The following ZNF287 variants were observed in gnomAD, a reference collection of about 807,000 sequenced individuals.
ZNF287 encodes zinc finger protein with KRAB and SCAN domains 13.
ZNF287 carries 31 observed loss-of-function variants against 73.7 expected under a neutral mutation model. That is an observed-to-expected ratio of 0.42 (90% CI 0.32 to 0.57). ZNF287 has a LOEUF of 0.57. ZNF287 is among the 20% of genes least tolerant of loss of function. The probability of loss-of-function intolerance (pLI) is 0.13; values close to 1 mark genes in which losing one functional copy is unlikely to be tolerated. For synonymous variants in ZNF287, 301 were observed against 307.2 expected (o/e 0.98, Z 0.21); for missense variants, 641 against 909.3 (o/e 0.70, Z 3.79).
rs759376029 is a variant in ZNF287 at position 16,567,722 on chromosome 17, A to G, written c.10T>C (p.Ser4Pro). 6.2e-7 allele frequency: 1 copy of G among 1,609,084 alleles called. No homozygotes were observed. Among genetic ancestry groups the G allele is most frequent in the East Asian group, 2.2e-5 (1 of 44,804 alleles). MLA[S>P]SKRMNSSSRS... ...GAAGAACTGTTCATCCTCTTGCTTG[A>G]GGCTAACATTGCTACAGACAGGAGA... The change falls in exon 2 of 6, where the codon TCA becomes CCA. Residue 4 changes from serine to proline, a missense_variant. This residue lies in a region of ZNF287 where 357 missense variants were observed against 442.4 expected (regional missense o/e 0.81). Coordinates refer to ENST00000395825, the MANE Select transcript of ZNF287 (RefSeq NM_020653.4).
chr17:16,555,028 T>C (rs574416606), intron 5 of ZNF287, among the ~76,000 whole-genome samples: 1 of 152,282 alleles, frequency 6.6e-6, no homozygotes, highest in South Asian at 2.1e-4. Context: ...CAACCCAATA[T>C]AGTATTGGGC....
At chr17:16,554,970 CT>C (rs145107161) in intron 5 of ZNF287, among the ~76,000 whole-genome samples, 11,965 of 151,894 alleles carry the variant, frequency 0.079, 1,605 homozygotes, top group African/African-American at 0.27. Flanking sequence ...AGGAAATTGC[CT>C]TTTTTTATAG....
rs139605983 is a variant in ZNF287, at chr17:16,551,386, A to ATT, written c.*468_*469dup. The stretch of plus-strand genomic sequence containing the variant: ...ACTGTACAGATCCATTTATACTGGA[A>ATT]TTTTTTTTTTCAACTGAACAGAGTT... On this transcript the variant is annotated 3_prime_UTR_variant, in exon 6 of 6. Transcript: ENST00000395825. 4 of 158,936 alleles carry ATT rather than the reference A, an allele frequency of 2.5e-5. No homozygotes were observed. Among genetic ancestry groups the ATT allele is most frequent in the African/African-American group, 4.9e-5 (2 of 41,118 alleles). The allele number at this position is 158,936 out of a possible 1,614,324, so 9.8% of individuals were successfully genotyped here. A position where few individuals can be genotyped will look rare whatever the true frequency, so the allele number is the denominator to read the frequency against.
intron 2 of ZNF287, 82 bp from the exon 3 acceptor site, chr17:16,566,704 C>T: frequency 3.3e-6 from 3 of 920,006 alleles, no homozygotes; most frequent in East Asian, 2.7e-5. Flanking sequence ...GATGCCTACA[C>T]TTTCTTAAAT....
rs73282638 is a variant in ZNF287 at position 16,560,339 on chromosome 17, G to C, written c.715+2807C>G. ...ATATATATATATATATATATGGGGT[G>C]GGGGAGGGAGAGCTCTTCTTTTTTT... On this transcript the variant is annotated intron_variant, in intron 5 of 5. Transcript: ENST00000395825. Among the ~76,000 whole-genome samples, 641 of 146,360 alleles carry C rather than the reference G, an allele frequency of 4.4e-3. 3 individuals are homozygous for C. Among genetic ancestry groups the C allele is most frequent in the African/African-American group, 0.013 (525 of 39,650 alleles).
intron 5 of ZNF287, among the ~76,000 whole-genome samples, chr17:16,556,695 A>T (rs970778518): frequency 3.3e-5 from 5 of 152,166 alleles, no homozygotes; most frequent in Non-Finnish European, 5.9e-5. Flanking sequence ...CAAAAAAGAG[A>T]TGAGATGATA....
intron 3 of ZNF287, among the ~76,000 whole-genome samples, chr17:16,564,804 G>A (rs954722697): frequency 6.6e-6 from 1 of 151,938 alleles, no homozygotes; most frequent in Non-Finnish European, 1.5e-5. Context: ...TTGAGAAAGA[G>A]TCTTGCTCTG....
Position 16,563,837 on chromosome 17 carries a change from A to G in ZNF287, c.502-12T>C. The G allele has an allele frequency of 6.2e-7, 1 of 1,611,788 alleles. No homozygotes were observed. Among genetic ancestry groups the G allele is most frequent in the Admixed American group, 1.7e-5 (1 of 59,936 alleles). On this transcript the variant is annotated splice_polypyrimidine_tract_variant and intron_variant, in intron 3 of 5. Coordinates refer to ENST00000395825, the MANE Select transcript of ZNF287 (RefSeq NM_020653.4). ...AATGTCATCGATTCCTAAAATATCA[A>G]ATGTAACTTAACTCAGTTCAAGAAC...
At chr17:16,560,933 G>A (rs1396524846) in intron 5 of ZNF287, among the ~76,000 whole-genome samples, 1 of 151,702 alleles carries the variant, frequency 6.6e-6, no homozygotes, top group African/African-American at 2.4e-5. Flanking sequence ...AACGTGGAAG[G>A]TGGAGCTTGT....
At position 16,548,832 on chromosome 17, in the gene ZNF287, C is replaced by T. The variant is rs541980899; in HGVS notation, c.*3024G>A. The stretch of plus-strand genomic sequence containing the variant: ...AGGAAAAACCAAAGTGGGGACTGTT[C>T]TAGATAGATGAAACAGATAATCAAA... On this transcript the variant is annotated 3_prime_UTR_variant, in exon 6 of 6. Transcript: ENST00000395825. Among the ~76,000 whole-genome samples the T allele has an allele frequency of 2.0e-4, 30 of 152,072 alleles. No homozygotes were observed. The East Asian group carries it at 5.8e-3, about 29-fold the overall frequency.
rs1213985583 is a variant in ZNF287 at position 16,549,318 on chromosome 17, G to C, written c.*2538C>G. Among the ~76,000 whole-genome samples the C allele has an allele frequency of 6.6e-6, 1 of 152,084 alleles. No homozygotes were observed. Among genetic ancestry groups the C allele is most frequent in the Admixed American group, 6.6e-5 (1 of 15,266 alleles). On this transcript the variant is annotated 3_prime_UTR_variant, in exon 6 of 6. Transcript: ENST00000395825. ...GGGCATCAATTGCCTCTGTTTATCA[G>C]TGGAAGACTTTATAAATGCATTATT...
rs2142512081 is a variant in ZNF287, at chr17:16,567,859, G to T, written c.-128C>A. 2 of 1,460,942 alleles carry T rather than the reference G, an allele frequency of 1.4e-6. No homozygotes were observed. Among genetic ancestry groups the T allele is most frequent in the East Asian group, 2.3e-5 (1 of 42,674 alleles). The allele number at this position is 1,460,942 out of a possible 1,614,324, so 90.5% of individuals were successfully genotyped here. ...GGCTGCTGCAGCCGAGGGCAGAACAGAATCAAGGTAGAGTTAGCAGCCTTA... is the reference window on the plus strand; with the variant it reads ...GGCTGCTGCAGCCGAGGGCAGAACATAATCAAGGTAGAGTTAGCAGCCTTA... On this transcript the variant is annotated 5_prime_UTR_variant, in exon 2 of 6. In the 5' UTR this introduces an upstream ATG that the reference lacks. Transcript: ENST00000395825.
At chr17:16,563,282 C>T in intron 4 of ZNF287, 50 bp from the exon 5 acceptor site, 1 of 1,411,750 alleles carries the variant, frequency 7.1e-7, no homozygotes, top group South Asian at 1.2e-5. Context: ...AATGGTTGCT[C>T]AAAGTTTTAT....
rs1597458791 is a variant in ZNF287 at position 16,547,175 on chromosome 17, A to G, written c.*4681T>C. On this transcript the variant is annotated 3_prime_UTR_variant, in exon 6 of 6. Coordinates refer to ENST00000395825, the MANE Select transcript of ZNF287 (RefSeq NM_020653.4). ...AAGAAAAACTAGTACTTAGATTTGC[A>G]TGAAACAGATCCTTAGGATTAATAT... Among the ~76,000 whole-genome samples, 1 of 152,262 alleles carries G rather than the reference A, an allele frequency of 6.6e-6. No individual in the cohort carries two copies. The highest frequency in any genetic ancestry group is 1.5e-5 in the Non-Finnish European group (1 of 68,046).
intron 1 of ZNF287, 117 bp from the exon 2 acceptor site, chr17:16,568,046 G>T: frequency 1.0e-6 from 1 of 975,540 alleles, no homozygotes. Flanking sequence ...GCTTTACCTT[G>T]TCTTCCTCCC....
intron 5 of ZNF287, among the ~76,000 whole-genome samples, chr17:16,554,269 G>A (rs1906896052): frequency 6.6e-6 from 1 of 150,592 alleles, no homozygotes; most frequent in South Asian, 2.1e-4. Flanking sequence ...TGCCTCCCAG[G>A]TTCAAGTGAT....
chr17:16,562,652 T>C (rs948710835), intron 5 of ZNF287, among the ~76,000 whole-genome samples: 6 of 152,044 alleles, frequency 3.9e-5, no homozygotes, highest in Non-Finnish European at 7.4e-5. Context: ...TTTTGCTTTA[T>C]ATACTTTTAA....
chr17:16,563,889 C>T (rs973917398), intron 3 of ZNF287, 64 bp from the exon 4 acceptor site: 8 of 1,573,100 alleles, frequency 5.1e-6, no homozygotes, highest in African/African-American at 1.3e-5. Flanking sequence ...ACTGATAACA[C>T]TGGGTATATG....
rs907955152 is a variant in ZNF287, at chr17:16,549,215, G to A, written c.*2641C>T. On this transcript the variant is annotated 3_prime_UTR_variant, in exon 6 of 6. Transcript: ENST00000395825. The stretch of plus-strand genomic sequence containing the variant: ...TGCTAAAAACTGTTGAATAATTTGC[G>A]GGTCAGACAACTGTAAAAGTGGGAA... Among the ~76,000 whole-genome samples the A allele has an allele frequency of 2.6e-5, 4 of 152,078 alleles. No homozygotes were observed. The highest frequency in any genetic ancestry group is 3.8e-4 in the East Asian group (2 of 5,202).
Sources: gnomAD v4.1 joint callset for allele counts (sites outside exome capture counted in the v4.1 genomes callset) on GRCh38, gnomAD v4.1.1 for gene constraint, gnomAD v4.1.1 regional missense constraint, MANE v1.5 for transcripts, NCBI Gene and HGNC (gene_info 2026-07-23, HGNC 2026-07-21) for gene names.